CAMK1D: variants seen among roughly 807,000 people sequenced by gnomAD.
CAMK1D encodes the protein calcium/calmodulin-dependent protein kinase type 1D.
Under a neutral mutation model 47.7 loss-of-function variants are expected in CAMK1D, and 9 were observed. The ratio of observed to expected loss-of-function variants is 0.19; its 90% CI spans 0.11 to 0.33. The LOEUF is 0.33. CAMK1D is among the 10% of genes least tolerant of loss of function. The pLI, the probability that CAMK1D is intolerant of heterozygous loss-of-function variation, is 1.00. For synonymous variants in CAMK1D, 184 were observed against 184.9 expected, an observed-to-expected ratio of 0.99 and a Z score of 0.04; for missense variants, 291 against 488.7, an observed-to-expected ratio of 0.60 and a Z score of 3.81.
intron 2 of CAMK1D, among the ~76,000 whole-genome samples, chr10:12,628,576 T>C (rs1839290743): frequency 6.6e-6 from 1 of 152,226 alleles, no homozygotes; most frequent in Admixed American, 6.5e-5. Flanking sequence ...AAGCCAATAT[T>C]GGTATTGATG....
intron 2 of CAMK1D, among the ~76,000 whole-genome samples, chr10:12,627,326 C>G (rs139239512): frequency 2.0e-5 from 3 of 152,216 alleles, no homozygotes; most frequent in African/African-American, 4.8e-5. Context: ...ACCTCGTGAT[C>G]TGCCCGCCTC....
chr10:12,558,640 T>G (rs1836840107), intron 2 of CAMK1D, among the ~76,000 whole-genome samples: 1 of 151,944 alleles, frequency 6.6e-6, no homozygotes, highest in African/African-American at 2.4e-5. Flanking sequence ...AGTCTACATT[T>G]AAATGAGAGG....
chr10:12,384,694 G>T (rs1158775607), intron 1 of CAMK1D, among the ~76,000 whole-genome samples: 3 of 152,024 alleles, frequency 2.0e-5, no homozygotes, highest in Non-Finnish European at 4.4e-5. Flanking sequence ...ACTCAAAATG[G>T]ATCAGTGACC....
chr10:12,787,977 A>G (rs113935684), intron 5 of CAMK1D, among the ~76,000 whole-genome samples: 12 of 151,614 alleles, frequency 7.9e-5, no homozygotes, highest in Non-Finnish European at 1.5e-4. Flanking sequence ...TCCATCTCCA[A>G]AAAAAAAATT....
intron 2 of CAMK1D, among the ~76,000 whole-genome samples, chr10:12,657,748 T>G (rs1282126350): frequency 2.0e-5 from 3 of 152,202 alleles, no homozygotes; most frequent in African/African-American, 7.2e-5. Context: ...TTGATATGTA[T>G]CCCTCTAGAT....
chr10:12,639,548 A>T (rs961089204), intron 2 of CAMK1D, among the ~76,000 whole-genome samples: 2 of 150,810 alleles, frequency 1.3e-5, no homozygotes, highest in African/African-American at 2.4e-5. Context: ...CCTTGCTTAA[A>T]TTTTTTTTTT....
intron 2 of CAMK1D, among the ~76,000 whole-genome samples, chr10:12,648,997 G>A (rs1378466099): frequency 2.6e-5 from 4 of 152,110 alleles, no homozygotes; most frequent in Admixed American, 6.5e-5. Context: ...CTTCTGAGTA[G>A]CTGGAACTAC....
At chr10:12,488,825 T>C (rs1372427865) in intron 1 of CAMK1D, among the ~76,000 whole-genome samples, 1 of 152,192 alleles carries the variant, frequency 6.6e-6, no homozygotes, top group East Asian at 1.9e-4. Context: ...GCGCCGCTGA[T>C]CTGACGGAGG....
intron 1 of CAMK1D, among the ~76,000 whole-genome samples, chr10:12,454,644 G>A (rs765192199): frequency 6.6e-6 from 1 of 151,752 alleles, no homozygotes; most frequent in East Asian, 1.9e-4. Context: ...AAAATTTTTT[G>A]TAGAGATGGA....
intron 3 of CAMK1D, among the ~76,000 whole-genome samples, chr10:12,740,408 G>T (rs1316450029): frequency 6.6e-6 from 1 of 152,166 alleles, no homozygotes; most frequent in Non-Finnish European, 1.5e-5. Context: ...AGACCAGCCT[G>T]GGCAACATGG....
chr10:12,548,936 A>G (rs1836491380), intron 1 of CAMK1D, among the ~76,000 whole-genome samples: 1 of 150,322 alleles, frequency 6.7e-6, no homozygotes, highest in Non-Finnish European at 1.5e-5. Flanking sequence ...GCTCACTGCA[A>G]CCTCCGCCTC....
chr10:12,469,821 T>G (rs898348995), intron 1 of CAMK1D, among the ~76,000 whole-genome samples: 1 of 152,212 alleles, frequency 6.6e-6, no homozygotes, highest in African/African-American at 2.4e-5. Context: ...TTTCAGTCAT[T>G]GTATATAATC....
chr10:12,769,830 C>CGT (rs1031224488), intron 5 of CAMK1D, 31 bp downstream of exon 5: 2 of 1,611,498 alleles, frequency 1.2e-6, no homozygotes, highest in Non-Finnish European at 1.7e-6. Context: ...CACATGTGCC[C>CGT]GTGTGTGTGT....
intron 2 of CAMK1D, among the ~76,000 whole-genome samples, chr10:12,577,912 C>T (rs1425852969): frequency 2.0e-5 from 3 of 152,216 alleles, no homozygotes; most frequent in African/African-American, 7.2e-5. Flanking sequence ...GGAATCTCCA[C>T]CTATTCATCC....
At chr10:12,543,476 G>C (rs1836264497) in intron 1 of CAMK1D, among the ~76,000 whole-genome samples, 1 of 152,160 alleles carries the variant, frequency 6.6e-6, no homozygotes, top group South Asian at 2.1e-4. Context: ...TAGTGAGGAG[G>C]GAGTTAGCCA....
chr10:12,622,684 T>G (rs1839035911), intron 2 of CAMK1D, among the ~76,000 whole-genome samples: 1 of 152,132 alleles, frequency 6.6e-6, no homozygotes, highest in South Asian at 2.1e-4. Context: ...CCATGTGCTC[T>G]TGGTCTCCCT....
At chr10:12,726,906 A>T (rs1834666259) in intron 3 of CAMK1D, among the ~76,000 whole-genome samples, 1 of 152,250 alleles carries the variant, frequency 6.6e-6, no homozygotes, top group African/African-American at 2.4e-5. Flanking sequence ...GTGAGAATTC[A>T]TTTGAACCCA....
intron 1 of CAMK1D, among the ~76,000 whole-genome samples, chr10:12,525,795 T>C (rs1025172315): frequency 4.6e-5 from 7 of 152,202 alleles, no homozygotes; most frequent in African/African-American, 1.4e-4. Flanking sequence ...TCTTGCTCTG[T>C]TGCCCAAACT....
chr10:12,761,274 G>T (rs369125448), intron 4 of CAMK1D, among the ~76,000 whole-genome samples, 188 bp downstream of exon 4: 1 of 152,342 alleles, frequency 6.6e-6, no homozygotes, highest in South Asian at 2.1e-4. Context: ...CTTGGAAGAA[G>T]ATGAAGATTC....
Sources: allele counts gnomAD v4.1 joint callset (sites outside exome capture counted in the v4.1 genomes callset), GRCh38; gene constraint gnomAD v4.1.1; transcripts MANE v1.5; gene names NCBI Gene and HGNC (gene_info 2026-07-23, HGNC 2026-07-21).